The following PRICKLE2 variants were observed in gnomAD, a reference collection of about 807,000 sequenced individuals.
PRICKLE2 encodes the protein prickle planar cell polarity protein 2, also known as prickle-like protein 2.
In PRICKLE2, 21 loss-of-function variants were observed where a neutral mutation model predicts 81.4. The observed-to-expected ratio is 0.26, with a 90% confidence interval of 0.18 to 0.37. The LOEUF (loss-of-function observed/expected upper bound fraction) is 0.37. PRICKLE2 is among the 10% of genes least tolerant of loss of function. The pLI is 1.00. For synonymous variants in PRICKLE2, 456 were observed against 421.5 expected (o/e 1.08, Z -1.00); for missense variants, 940 against 1,109.0 (o/e 0.85, Z 2.16).
chr3:64,175,615 T>C (rs1053386482), intron 2 of PRICKLE2, among the ~76,000 whole-genome samples: 24 of 152,224 alleles, frequency 1.6e-4, no homozygotes, highest in African/African-American at 5.3e-4. Context: ...TATAGTTTAG[T>C]CATTTTGTTC....
At chr3:64,243,392 A>G (rs2079297458) in intron 2 of PRICKLE2, among the ~76,000 whole-genome samples, 1 of 152,200 alleles carries the variant, frequency 6.6e-6, no homozygotes, top group African/African-American at 2.4e-5. Flanking sequence ...AAAACCAAAT[A>G]TATCTCCAGA....
Position 64,093,312 on chromosome 3 carries a change from A to C in PRICKLE2, c.*5739T>G, listed in dbSNP as rs2076528203. On this transcript the variant is annotated 3_prime_UTR_variant, in exon 8 of 8. Transcript: ENST00000638394. ...TGCTCCCACTTTTTGGATATTGTGA[A>C]TGCTGCTTTTATGAATATGGGTGTA... 1 of 152,446 alleles carries C rather than the reference A, an allele frequency of 6.6e-6. No individual in the cohort carries two copies. The highest frequency in any genetic ancestry group is 2.4e-5 in the African/African-American group (1 of 41,464). 9.4% of individuals were successfully genotyped at this position (152,446 alleles called of 1,614,324 possible).
At position 64,246,633 on chromosome 3, in the gene PRICKLE2, G is replaced by A. The variant is rs2079359939; in HGVS notation, c.129-47666C>T. Among the ~76,000 whole-genome samples the A allele has an allele frequency of 2.6e-5, 4 of 152,312 alleles. No homozygotes were observed. In the South Asian group the frequency reaches 8.3e-4, roughly 32 times the overall value. ...CCAATGTGTTTTTCAGCGAGTCTGA[G>A]GTGGGTGGAGCTGACACTTTGCATT... On this transcript the variant is annotated intron_variant, in intron 2 of 8. Transcript: ENST00000295902.
At chr3:64,128,919 T>A (rs2106981947) in intron 7 of PRICKLE2, among the ~76,000 whole-genome samples, 1 of 103,722 alleles carries the variant, frequency 9.6e-6, no homozygotes. Context: ...GGATTTTTTA[T>A]TTTTTTTTTA....
intron 1 of PRICKLE2, among the ~76,000 whole-genome samples, chr3:64,212,487 C>T (rs554376960): frequency 4.7e-4 from 72 of 152,328 alleles, no homozygotes; most frequent in African/African-American, 1.6e-3. Context: ...CCACAAAACA[C>T]CTCTTCGTTT....
chr3:64,176,286 C>G (rs1205776700), intron 2 of PRICKLE2, among the ~76,000 whole-genome samples: 1 of 152,200 alleles, frequency 6.6e-6, no homozygotes, highest in Admixed American at 6.5e-5. Context: ...ACCTAGCAAT[C>G]TGTCTCCAAA....
At chr3:64,123,282 G>T (rs2106971158) in intron 7 of PRICKLE2, among the ~76,000 whole-genome samples, 1 of 152,336 alleles carries the variant, frequency 6.6e-6, no homozygotes, top group African/African-American at 2.4e-5. Flanking sequence ...AACTTCAGAT[G>T]ACTGTGAGCT....
intron 2 of PRICKLE2, among the ~76,000 whole-genome samples, chr3:64,239,952 C>CAAAAAA (rs57932723): frequency 2.8e-4 from 9 of 32,234 alleles, no homozygotes; most frequent in African/African-American, 4.6e-4. Context: ...CCATCGCTAC[C>CAAAAAA]AAAAAAAAAA....
intron 3 of PRICKLE2, among the ~76,000 whole-genome samples, chr3:64,161,845 C>T (rs1220696409): frequency 6.6e-6 from 1 of 152,124 alleles, no homozygotes; most frequent in Non-Finnish European, 1.5e-5. Flanking sequence ...GCACACCCTT[C>T]CTGCTTGTAA....
At chr3:64,132,067 A>T (rs143553314) in intron 7 of PRICKLE2, among the ~76,000 whole-genome samples, 261 of 152,314 alleles carry the variant, frequency 1.7e-3, no homozygotes, top group African/African-American at 5.7e-3. Context: ...TGCATATAAG[A>T]TAACCTTCTT....
At chr3:64,261,874 T>TTA (rs1669076980) in intron 2 of PRICKLE2, among the ~76,000 whole-genome samples, 1 of 152,154 alleles carries the variant, frequency 6.6e-6, no homozygotes, top group African/African-American at 2.4e-5. Flanking sequence ...TCTGAAGGTG[T>TTA]TAAACAGGGT....
chr3:64,265,162 A>C (rs747867042), intron 2 of PRICKLE2, among the ~76,000 whole-genome samples: 3 of 152,196 alleles, frequency 2.0e-5, no homozygotes, highest in Non-Finnish European at 2.9e-5. Context: ...AAGCAAAAAG[A>C]AAAACAAAAA....
intron 2 of PRICKLE2, among the ~76,000 whole-genome samples, chr3:64,179,025 TTC>T (rs1158838040): frequency 6.7e-6 from 1 of 148,370 alleles, no homozygotes; most frequent in Admixed American, 6.8e-5. Context: ...CTTTCTTTCT[TTC>T]TTTCTTTCTT....
At chr3:64,132,268 C>A (rs2077207627) in intron 7 of PRICKLE2, among the ~76,000 whole-genome samples, 1 of 152,166 alleles carries the variant, frequency 6.6e-6, no homozygotes, top group African/African-American at 2.4e-5. Context: ...TGTAGGTCCC[C>A]TCCTACATTA....
intron 2 of PRICKLE2, among the ~76,000 whole-genome samples, chr3:64,166,008 G>GTGTGTT (rs2077826560): frequency 1.8e-5 from 1 of 56,450 alleles, no homozygotes. Flanking sequence ...GTGTGTGTGT[G>GTGTGTT]TGTGTGTTTT....
chr3:64,162,197 A>G (rs1053872039), intron 3 of PRICKLE2, among the ~76,000 whole-genome samples: 12 of 152,070 alleles, frequency 7.9e-5, no homozygotes, highest in Non-Finnish European at 1.8e-4. Context: ...TAAGGGGGTT[A>G]TTTCTCCTAT....
chr3:64,135,074 C>T (rs1186818286), intron 7 of PRICKLE2, among the ~76,000 whole-genome samples: 1 of 152,102 alleles, frequency 6.6e-6, no homozygotes, highest in Non-Finnish European at 1.5e-5. Context: ...GAAACAAATC[C>T]CTGCAGGTGT....
Position 64,099,367 on chromosome 3 carries a change from G to T in PRICKLE2, c.2219C>A (p.Ser740Tyr), listed in dbSNP as rs760799226. The T allele has an allele frequency of 1.1e-5, 17 of 1,612,240 alleles. No individual in the cohort carries two copies. The highest frequency in any genetic ancestry group is 1.4e-5 in the Non-Finnish European group (17 of 1,178,468). ...RSFQESMGHG[S>Y]RRDLYGQCPR... is the part of the protein sequence containing the mutation. Reference sequence around the variant, plus strand: ...GCACTGGCCGTACAGGTCCCTCCGGGACCCATGCCCCATGCTCTCCTGGAA... The same window carrying T: ...GCACTGGCCGTACAGGTCCCTCCGGTACCCATGCCCCATGCTCTCCTGGAA... The change falls in exon 8 of 8, where the codon TCC becomes TAC. Residue 740 changes from serine to tyrosine, a missense_variant. This residue lies in a region of PRICKLE2 where 670 missense variants were observed against 717.2 expected (regional missense o/e 0.93). Transcript: ENST00000638394. The surrounding 1 kb of genome is among the most constrained non-coding windows in gnomAD (Gnocchi z 4.3).
intron 1 of PRICKLE2, among the ~76,000 whole-genome samples, chr3:64,205,072 T>C (rs2078658669): frequency 7.3e-6 from 1 of 136,332 alleles, no homozygotes; most frequent in Non-Finnish European, 1.6e-5. Flanking sequence ...TTTATGAAAA[T>C]AGAACCTGCT....
Sources: allele counts gnomAD v4.1 joint callset (sites outside exome capture counted in the v4.1 genomes callset), GRCh38; gene constraint gnomAD v4.1.1; regional missense constraint gnomAD v4.1.1; non-coding constraint Gnocchi (gnomAD v3.1); transcripts MANE v1.5; gene names NCBI Gene and HGNC (gene_info 2026-07-23, HGNC 2026-07-21).